Variants in LRP1B observed in about 807,000 individuals in gnomAD.
LRP1B encodes the protein low-density lipoprotein receptor-related protein 1B.
In LRP1B, 217 loss-of-function variants were observed where a neutral mutation model predicts 556.6. That is an observed-to-expected ratio of 0.39 (90% CI 0.35 to 0.44). LRP1B has a LOEUF of 0.44. Among genes scored for constraint, LRP1B ranks in the 20% least tolerant of loss-of-function variants. The pLI, the probability that LRP1B is intolerant of heterozygous loss-of-function variation, is 1.00. For synonymous variants in LRP1B, 2,047 were observed against 1,865.8 expected (o/e 1.10, Z -2.50); for missense variants, 5,053 against 5,620.8 (o/e 0.90, Z 3.23).
intron 3 of LRP1B, among the ~76,000 whole-genome samples, chr2:141,427,783 G>A (rs983254587): frequency 4.0e-5 from 6 of 151,888 alleles, no homozygotes; most frequent in African/African-American, 1.5e-4. Flanking sequence ...TAAAATAAAT[G>A]GCTGAAATAA....
chr2:141,978,589 C>A (rs1487868562), intron 1 of LRP1B, among the ~76,000 whole-genome samples: 1 of 151,762 alleles, frequency 6.6e-6, no homozygotes, highest in East Asian at 1.9e-4. Flanking sequence ...AAATACAGGG[C>A]AGGTTAATCA....
intron 2 of LRP1B, among the ~76,000 whole-genome samples, chr2:141,561,591 A>G (rs1248177089): frequency 2.6e-5 from 4 of 151,828 alleles, no homozygotes; most frequent in African/African-American, 9.7e-5. Flanking sequence ...CAACATGTGC[A>G]CTAAATTCTT....
At chr2:141,460,603 C>A (rs1681829994) in intron 3 of LRP1B, among the ~76,000 whole-genome samples, 1 of 152,052 alleles carries the variant, frequency 6.6e-6, no homozygotes, top group Admixed American at 6.6e-5. Flanking sequence ...TACTTGGATA[C>A]TGTATTGAGA....
intron 76 of LRP1B, 26 bp downstream of exon 76, chr2:140,352,927 A>C (rs1160653723): frequency 6.3e-7 from 1 of 1,589,486 alleles, no homozygotes; most frequent in East Asian, 2.3e-5. Context: ...TTGTAATAGG[A>C]TTTGCAATAG....
chr2:141,956,022 A>C lies in LRP1B; in HGVS notation c.83-145621T>G, dbSNP rs939682589. ...AGTTTGAGAGCAACCTGGGCAACAT[A>C]GTGAGACCCACATCTCTTAAAAAAA... On this transcript the variant is annotated intron_variant, in intron 1 of 90. Transcript: ENST00000389484. Among the ~76,000 whole-genome samples, 3 of 149,866 alleles carry C rather than the reference A, an allele frequency of 2.0e-5. No individual in the cohort carries two copies. The East Asian group carries it at 6.1e-4, about 30-fold the overall frequency.
intron 84 of LRP1B, among the ~76,000 whole-genome samples, chr2:140,285,996 A>AATCTCT (rs753698984): frequency 6.1e-4 from 92 of 151,964 alleles, no homozygotes; most frequent in African/African-American, 2.2e-3. Flanking sequence ...TACTTTTCAT[A>AATCTCT]ATCTCTAGTC....
chr2:141,431,320 T>C (rs1323926233), intron 3 of LRP1B, among the ~76,000 whole-genome samples: 1 of 151,950 alleles, frequency 6.6e-6, no homozygotes. Context: ...TGAGATGTAA[T>C]AGGCTACACA....
intron 86 of LRP1B, among the ~76,000 whole-genome samples, chr2:140,249,015 A>C (rs914715636): frequency 7.0e-6 from 1 of 143,876 alleles, no homozygotes; most frequent in East Asian, 2.1e-4. Context: ...AAAATATCAA[A>C]ATTTGCTTTA....
intron 41 of LRP1B, among the ~76,000 whole-genome samples, chr2:140,682,355 G>T (rs186437360): frequency 2.4e-4 from 37 of 152,222 alleles, no homozygotes; most frequent in African/African-American, 8.4e-4. Context: ...ATGAGATCAA[G>T]AATCTCAACT....
chr2:141,219,180 G>A (rs1682936266), intron 6 of LRP1B, among the ~76,000 whole-genome samples: 1 of 152,186 alleles, frequency 6.6e-6, no homozygotes, highest in African/African-American at 2.4e-5. Flanking sequence ...GCTTCAGGCT[G>A]GACACTGCCT....
chr2:141,257,783 T>C (rs767233843), intron 3 of LRP1B, among the ~76,000 whole-genome samples: 2 of 152,222 alleles, frequency 1.3e-5, no homozygotes, highest in African/African-American at 2.4e-5. Context: ...TGAAGAACCA[T>C]GAAGAACTAA....
rs769891211 is a variant in LRP1B, at chr2:141,586,941, C to CA, written c.206-106409dup. ...TGGGCGACAGAGTGAGACTCCATCT[C>CA]AAAAAAAAAAGAAAAAAAAAAAAAG... is the stretch of plus-strand genomic sequence containing the variant. On this transcript the variant is annotated intron_variant, in intron 2 of 90. Coordinates refer to ENST00000389484, the MANE Select transcript of LRP1B (RefSeq NM_018557.3). Among the ~76,000 whole-genome samples, 102 of 71,348 alleles carry CA rather than the reference C, an allele frequency of 1.4e-3. 2 individuals are homozygous for CA. Among genetic ancestry groups the CA allele is most frequent in the South Asian group, 3.4e-3 (7 of 2,064 alleles). The allele number at this position is 71,348 out of a possible 152,430, so 46.8% of individuals were successfully genotyped here.
At chr2:141,145,027 G>A (rs1018448821) in intron 7 of LRP1B, among the ~76,000 whole-genome samples, 3 of 152,192 alleles carry the variant, frequency 2.0e-5, no homozygotes, top group African/African-American at 7.2e-5. Flanking sequence ...GCTCTATCTC[G>A]AAAGAGAACC....
chr2:142,110,784 C>T (rs1706960615), intron 1 of LRP1B, among the ~76,000 whole-genome samples: 1 of 152,118 alleles, frequency 6.6e-6, no homozygotes, highest in Non-Finnish European at 1.5e-5. Context: ...TTCAGGAGTT[C>T]ATCTTATATT....
At chr2:140,844,085 A>G (rs2029157) in intron 29 of LRP1B, among the ~76,000 whole-genome samples, 135,988 of 151,638 alleles carry the variant, frequency 0.9, 61,621 homozygotes, top group East Asian at 1. Flanking sequence ...TTTTGAGATG[A>G]AGTTTCACTC....
intron 15 of LRP1B, among the ~76,000 whole-genome samples, chr2:140,997,572 G>A (rs1697283081): frequency 6.6e-6 from 1 of 151,650 alleles, no homozygotes; most frequent in Non-Finnish European, 1.5e-5. Context: ...TCCCTCAATT[G>A]ATGCTTTGCT....
At chr2:142,130,354 T>C (rs1707807530) in intron 1 of LRP1B, among the ~76,000 whole-genome samples, 1 of 152,150 alleles carries the variant, frequency 6.6e-6, no homozygotes, top group Non-Finnish European at 1.5e-5. Flanking sequence ...CTGCAGCGCT[T>C]AGAATTCGCG....
intron 7 of LRP1B, among the ~76,000 whole-genome samples, chr2:141,182,723 T>C (rs1681060078): frequency 6.6e-6 from 1 of 151,956 alleles, no homozygotes; most frequent in Admixed American, 6.6e-5. Context: ...AAAGATATCT[T>C]TCCTTGAACA....
At chr2:141,305,388 T>C (rs1118042) in intron 3 of LRP1B, among the ~76,000 whole-genome samples, 84,688 of 151,972 alleles carry the variant, frequency 0.56, 24,856 homozygotes, top group Middle Eastern at 0.69. Context: ...TCCTTTATCA[T>C]CTAGTTCATT....
Sources: gnomAD v4.1 joint callset for allele counts (sites outside exome capture counted in the v4.1 genomes callset) on GRCh38, gnomAD v4.1.1 for gene constraint, MANE v1.5 for transcripts, NCBI Gene and HGNC (gene_info 2026-07-23, HGNC 2026-07-21) for gene names.